The following GLDC variants were observed in gnomAD, a reference collection of about 807,000 sequenced individuals.
The protein encoded by GLDC is glycine dehydrogenase (decarboxylating), mitochondrial.
A neutral mutation model predicts 121.3 loss-of-function variants in GLDC; 104 were observed. The observed-to-expected ratio is 0.86, with a 90% CI of 0.73 to 1.01. The LOEUF (loss-of-function observed/expected upper bound fraction) is 1.01. Ranked by LOEUF, GLDC falls within the 50% of genes least tolerant of loss-of-function variation. The pLI, the probability that GLDC is intolerant of heterozygous loss-of-function variation, is 0.00. For synonymous variants in GLDC, 546 were observed against 480.6 expected, an observed-to-expected ratio of 1.14 and a Z score of -1.78; for missense variants, 1,429 against 1,306.6, an observed-to-expected ratio of 1.09 and a Z score of -1.44.
intron 15 of GLDC, among the ~76,000 whole-genome samples, chr9:6,569,922 T>C (rs1463272123): frequency 6.7e-6 from 1 of 149,262 alleles, no homozygotes; most frequent in African/African-American, 2.5e-5. Flanking sequence ...GCTGCAGTGA[T>C]GTAAGATCGC....
chr9:6,546,763 A>G (rs1455529880), intron 21 of GLDC, among the ~76,000 whole-genome samples: 1 of 151,550 alleles, frequency 6.6e-6, no homozygotes, highest in Non-Finnish European at 1.5e-5. Context: ...GGAGTTTGAG[A>G]CCAGCCCGGG....
chr9:6,626,534 T>A lies in GLDC; in HGVS notation c.335-6215A>T, dbSNP rs185878776. On this transcript the variant is annotated intron_variant, in intron 2 of 24. Coordinates refer to ENST00000321612, the MANE Select transcript of GLDC (RefSeq NM_000170.3). ...GTTTCAAGACTGTGGGTCTTTATAATTAATTATTTTGTTCTTCATTTATAC... is the reference window on the plus strand; with the variant it reads ...GTTTCAAGACTGTGGGTCTTTATAAATAATTATTTTGTTCTTCATTTATAC... Among the ~76,000 whole-genome samples, 646 of 139,818 alleles carry A rather than the reference T, an allele frequency of 4.6e-3. 2 individuals carry two copies. The highest frequency in any genetic ancestry group is 0.016 in the African/African-American group (596 of 38,008). The allele number at this position is 139,818 out of a possible 152,430, so 91.7% of individuals were successfully genotyped here. A position where few individuals can be genotyped will look rare whatever the true frequency, so the allele number is the denominator to read the frequency against.
At chr9:6,568,559 C>T (rs1310751211) in intron 15 of GLDC, among the ~76,000 whole-genome samples, 1 of 152,072 alleles carries the variant, frequency 6.6e-6, no homozygotes, top group Non-Finnish European at 1.5e-5. Flanking sequence ...AAAAACAAGG[C>T]CCTCCATGCC....
At chr9:6,554,337 G>A (rs572511836) in intron 19 of GLDC, among the ~76,000 whole-genome samples, 71 of 152,086 alleles carry the variant, frequency 4.7e-4, no homozygotes, top group Admixed American at 1.1e-3. Context: ...CCAAAAGTCC[G>A]AAAGGCACTT....
At chr9:6,573,032 G>A (rs538517772) in intron 15 of GLDC, among the ~76,000 whole-genome samples, 1 of 152,266 alleles carries the variant, frequency 6.6e-6, no homozygotes, top group East Asian at 1.9e-4. Flanking sequence ...CTGGCTCCAA[G>A]CAAATTATTC....
chr9:6,534,708 G>T lies in GLDC; in HGVS notation c.2919C>A (p.Leu973=). The part of the protein sequence containing the change: ...PYSREVAAFP[L]PFVKPENKFW... ...GCACATTCAGATTCAGAGAACTTAC[G>T]AGTGGGAATGCTGCCACCTCTCTGG... Residue 973 remains leucine (L), a splice_region_variant and synonymous_variant, in exon 24 of 25, where the codon CTC becomes CTA. Transcript: ENST00000321612. 6.5e-7 allele frequency: 1 copy of T among 1,548,060 alleles called. No individual in the cohort carries two copies. Among genetic ancestry groups the T allele is most frequent in the African/African-American group, 1.4e-5 (1 of 73,682 alleles).
intron 21 of GLDC, 157 bp from the exon 22 acceptor site, chr9:6,540,303 T>C (rs2129664149): frequency 1.5e-6 from 1 of 662,548 alleles, no homozygotes. Context: ...TTATTGGCAA[T>C]AAAGGTTTCA....
chr9:6,620,442 G>A, intron 2 of GLDC, 123 bp from the exon 3 acceptor site: 1 of 838,878 alleles, frequency 1.2e-6, no homozygotes, highest in Non-Finnish European at 2.0e-6. Context: ...AAATGTAAGA[G>A]TCATCCATCC....
At position 6,587,163 on chromosome 9, in the gene GLDC, G is replaced by C. The variant is rs1251538998; in HGVS notation, c.1828C>G (p.Gln610Glu). The change falls in exon 15 of 25, where the codon CAG becomes GAG. Residue 610 changes from glutamine to glutamate, a missense_variant. Coordinates refer to ENST00000321612, the MANE Select transcript of GLDC (RefSeq NM_000170.3). ...KDLCELTGYD[Q>E]VCFQPNSGAQ... Reference sequence around the variant, plus strand: ...TACCTGTTTGGCTGGAAACAGACCTGGTCATAACCTGTGAGTTCACACAAA... The same window carrying C: ...TACCTGTTTGGCTGGAAACAGACCTCGTCATAACCTGTGAGTTCACACAAA... 1.2e-6 allele frequency: 2 copies of C among 1,613,564 alleles called. No individual in the cohort carries two copies. Among genetic ancestry groups the C allele is most frequent in the South Asian group, 2.2e-5 (2 of 91,066 alleles).
In GLDC at chr9:6,622,294, C is replaced by G. The variant is rs183252077; in HGVS notation, c.335-1975G>C. ...TCTCCCTCTCCCTCTTTCCACGGGC[C>G]GAAGCTGGACTGTGCTGCTGCCATC... is the stretch of plus-strand genomic sequence containing the variant. On this transcript the variant is annotated intron_variant, in intron 2 of 24. Transcript: ENST00000321612. Among the ~76,000 whole-genome samples the G allele has an allele frequency of 3.8e-3, 573 of 151,932 alleles. 6 individuals carry two copies. Among genetic ancestry groups the G allele is most frequent in the East Asian group, 0.022 (113 of 5,144 alleles).
At chr9:6,589,552 T>G (rs371619722) in intron 11 of GLDC, among the ~76,000 whole-genome samples, 3 of 152,118 alleles carry the variant, frequency 2.0e-5, no homozygotes, top group African/African-American at 4.8e-5. Context: ...CTCAGTCTCC[T>G]GAGTAGCTGG....
intron 2 of GLDC, among the ~76,000 whole-genome samples, chr9:6,628,013 A>G (rs942056951): frequency 1.3e-5 from 2 of 152,182 alleles, no homozygotes. Flanking sequence ...GAGAAGACAG[A>G]AAAGTCCATG....
At chr9:6,610,106 A>C (rs1213497794) in intron 4 of GLDC, 86 bp downstream of exon 4, 3 of 1,016,994 alleles carry the variant, frequency 2.9e-6, no homozygotes, top group Non-Finnish European at 4.5e-6. Flanking sequence ...TGACTAAAGT[A>C]ATATTCACAA....
intron 2 of GLDC, among the ~76,000 whole-genome samples, chr9:6,643,539 T>TC (rs897975842): frequency 2.0e-5 from 3 of 151,284 alleles, no homozygotes; most frequent in African/African-American, 7.3e-5. Context: ...ATGAGATTTT[T>TC]TTTAAGAGCT....
At chr9:6,539,586 TAA>T (rs1410627681) in intron 22 of GLDC, among the ~76,000 whole-genome samples, 2 of 152,216 alleles carry the variant, frequency 1.3e-5, no homozygotes, top group East Asian at 3.8e-4. Context: ...AATGCACAGG[TAA>T]AGTGTCCGTG....
chr9:6,558,274 G>C (rs1217557212), intron 17 of GLDC: 3 of 595,228 alleles, frequency 5.0e-6, no homozygotes, highest in African/African-American at 1.9e-5. Context: ...GGGAAGGCGA[G>C]AAGGAGAGGG....
intron 21 of GLDC, 152 bp from the exon 22 acceptor site, chr9:6,540,298 G>A (rs1270294444): frequency 1.5e-6 from 1 of 667,512 alleles, no homozygotes; most frequent in East Asian, 2.7e-5. Flanking sequence ...GTTTATTATT[G>A]GCAATAAAGG....
chr9:6,595,359 AG>A, intron 8 of GLDC, among the ~76,000 whole-genome samples: 1 of 152,222 alleles, frequency 6.6e-6, no homozygotes, highest in East Asian at 1.9e-4. Flanking sequence ...ACCATTACGA[AG>A]GGCTTCTTCC....
At chr9:6,550,962 G>T (rs376589362) in intron 20 of GLDC, 48 bp from the exon 21 acceptor site, 2 of 1,236,778 alleles carry the variant, frequency 1.6e-6, no homozygotes, top group Non-Finnish European at 2.4e-6. Context: ...AGGCAAACAC[G>T]AATGTGAAGA....
Sources: gnomAD v4.1 joint callset for allele counts (sites outside exome capture counted in the v4.1 genomes callset) on GRCh38, gnomAD v4.1.1 for gene constraint, MANE v1.5 for transcripts, NCBI Gene and HGNC (gene_info 2026-07-23, HGNC 2026-07-21) for gene names.